CNNM1: variants seen among roughly 807,000 people sequenced by gnomAD.
CNNM1 encodes the protein metal transporter CNNM1.
A neutral mutation model predicts 78.8 loss-of-function variants in CNNM1; 44 were observed. The ratio of observed to expected loss-of-function variants is 0.56; its 90% CI spans 0.44 to 0.72. The LOEUF (loss-of-function observed/expected upper bound fraction) is 0.72. Among genes scored for constraint, CNNM1 ranks in the 30% least tolerant of loss-of-function variants. The pLI, the probability that CNNM1 is intolerant of heterozygous loss-of-function variation, is 0.00. For synonymous variants in CNNM1, 584 were observed against 581.5 expected, an observed-to-expected ratio of 1.00 and a Z score of -0.06; for missense variants, 1,101 against 1,292.2, an observed-to-expected ratio of 0.85 and a Z score of 2.27.
intron 7 of CNNM1, 45 bp from the exon 8 acceptor site, chr10:99,387,775 G>A: frequency 6.6e-7 from 1 of 1,515,124 alleles, no homozygotes; most frequent in Admixed American, 2.1e-5. Flanking sequence ...GCATCCGGGT[G>A]GTCTCTGCCT....
At chr10:99,365,235 G>T (rs79414768) in intron 6 of CNNM1, 1 of 614,880 alleles carries the variant, frequency 1.6e-6, no homozygotes, top group South Asian at 1.8e-5. Context: ...CACATGGTTG[G>T]GGGGATGCAG....
rs754242008 is a variant in CNNM1, at chr10:99,330,861, T to C, written c.1474T>C (p.Cys492Arg). 4.8e-5 allele frequency: 78 copies of C among 1,614,064 alleles called. No homozygotes were observed. The highest frequency in any genetic ancestry group is 6.3e-5 in the Non-Finnish European group (74 of 1,180,032). Residue 492 changes from cysteine to arginine, a missense_variant, in exon 1 of 11, where the codon TGC becomes CGC. Transcript: ENST00000356713. ...KDLAFVDPDD[C>R]TPLLTVTRFY... is the part of the protein sequence containing the mutation. ...CTTGGCCTTCGTGGACCCCGACGAC[T>C]GCACCCCGCTCCTCACTGTCACCCG...
chr10:99,391,418 T>C lies in CNNM1; in HGVS notation c.2777-19T>C. On this transcript the variant is annotated intron_variant, in intron 10 of 10. Transcript: ENST00000356713. ...TCCTCCAGTGTTACAGGCTGATACT[T>C]GCAACTTGTTTTTTTCAGGTGGCCA... The C allele has an allele frequency of 6.2e-7, 1 of 1,605,380 alleles. No individual in the cohort carries two copies. The highest frequency in any genetic ancestry group is 8.5e-7 in the Non-Finnish European group (1 of 1,172,528).
chr10:99,371,463 A>G (rs1218246242), intron 6 of CNNM1, among the ~76,000 whole-genome samples: 1 of 152,200 alleles, frequency 6.6e-6, no homozygotes, highest in Non-Finnish European at 1.5e-5. Flanking sequence ...CAGTCCTTTC[A>G]AATCCACAAA....
In CNNM1 at chr10:99,329,751, G is replaced by C; in HGVS notation, c.364G>C (p.Ala122Pro). 1 of 1,501,768 alleles carries C rather than the reference G, an allele frequency of 6.7e-7. No individual in the cohort carries two copies. The highest frequency in any genetic ancestry group is 2.7e-5 in the East Asian group (1 of 37,136). 93.0% of individuals were successfully genotyped at this position (1,501,768 alleles called of 1,614,324 possible). A position where few individuals can be genotyped will look rare whatever the true frequency, so the allele number is the denominator to read the frequency against. ...GGGCGGTGGCGGCGTGGCCCCCAGC[G>C]CGGTCCCCACTCGCCCCCCGGGACC... is the stretch of plus-strand genomic sequence containing the variant. Reference protein sequence around the residue: ...PPGGGGVAPSAVPTRPPGPQR... With the variant: ...PPGGGGVAPSPVPTRPPGPQR... Residue 122 changes from alanine to proline, a missense_variant, in exon 1 of 11, where the codon GCG (alanine) becomes CCG (proline). Transcript: ENST00000356713.
In CNNM1 at chr10:99,360,821, C is replaced by T; in HGVS notation, c.1718-14C>T. 1 of 1,592,802 alleles carries T rather than the reference C, an allele frequency of 6.3e-7. No homozygotes were observed. The highest frequency in any genetic ancestry group is 8.6e-7 in the Non-Finnish European group (1 of 1,165,806). ...TTCTGAGATAGCTGTAATCTGTCCTCTGTGACCCCACAGCTGACAATCGGA... is the reference window on the plus strand; with the variant it reads ...TTCTGAGATAGCTGTAATCTGTCCTTTGTGACCCCACAGCTGACAATCGGA... On this transcript the variant is annotated splice_polypyrimidine_tract_variant and intron_variant, in intron 2 of 10. Transcript: ENST00000356713.
At chr10:99,344,348 TG>T (rs1190816474) in intron 1 of CNNM1, among the ~76,000 whole-genome samples, 1 of 21,358 alleles carries the variant, frequency 4.7e-5, no homozygotes, top group African/African-American at 2.0e-4. Flanking sequence ...AAAAAATAGG[TG>T]GGGGTGGGGG....
chr10:99,356,963 G>GC (rs1227535761), intron 1 of CNNM1, among the ~76,000 whole-genome samples: 3 of 152,148 alleles, frequency 2.0e-5, no homozygotes, highest in African/African-American at 2.4e-5. Flanking sequence ...GTAGTCACAA[G>GC]CCCCCCCAGA....
At position 99,387,975 on chromosome 10, in the gene CNNM1, G is replaced by A. The variant is rs373509693; in HGVS notation, c.2496G>A (p.Thr832=). The A allele has an allele frequency of 4.3e-5, 68 of 1,597,204 alleles. No homozygotes were observed. In the South Asian group the frequency reaches 4.5e-4, roughly 11 times the overall value. ...CCCCTAAGGATGACCCCGCCATCAC[G>A]CTCCTCAACAACAGGAACAGCCTGC... ...PQTPKDDPAI[T]LLNNRNSLPC... The change falls in exon 8 of 11, where the codon ACG becomes ACA. Residue 832 remains threonine (T), a synonymous_variant. Coordinates refer to ENST00000356713, the MANE Select transcript of CNNM1 (RefSeq NM_020348.3).
chr10:99,355,946 T>C (rs1158782126), intron 1 of CNNM1, among the ~76,000 whole-genome samples: 1 of 152,220 alleles, frequency 6.6e-6, no homozygotes, highest in Non-Finnish European at 1.5e-5. Context: ...TTTTCACATA[T>C]TCACTAGGTC....
At chr10:99,343,108 G>A (rs747691193) in intron 1 of CNNM1, among the ~76,000 whole-genome samples, 2 of 152,014 alleles carry the variant, frequency 1.3e-5, no homozygotes, top group Admixed American at 6.5e-5. Flanking sequence ...GATTACAGGC[G>A]CCTGCCACCA....
intron 9 of CNNM1, 33 bp from the exon 10 acceptor site, chr10:99,390,273 A>G (rs1173586632): frequency 2.0e-6 from 3 of 1,510,312 alleles, no homozygotes; most frequent in Non-Finnish European, 9.1e-7. Context: ...GTGTAGGTTG[A>G]GACAACTTGA....
In CNNM1 at chr10:99,338,798, G is replaced by T. The variant is rs190170437; in HGVS notation, c.1573+7838G>T. 9.2e-5 allele frequency among the ~76,000 whole-genome samples: 14 copies of T among 152,178 alleles called. No homozygotes were observed. In the East Asian group the frequency reaches 2.5e-3, roughly 27 times the overall value. ...TCTTAAAAAGAAAACAAAAGGAAAA[G>T]CCCATTGTCCTGCCATCAAGCACAA... On this transcript the variant is annotated intron_variant, in intron 1 of 10. Coordinates refer to ENST00000356713, the MANE Select transcript of CNNM1 (RefSeq NM_020348.3).
At chr10:99,356,960 C>A (rs954519455) in intron 1 of CNNM1, among the ~76,000 whole-genome samples, 1 of 152,216 alleles carries the variant, frequency 6.6e-6, no homozygotes, top group Admixed American at 6.5e-5. Flanking sequence ...GAAGTAGTCA[C>A]AAGCCCCCCC....
intron 2 of CNNM1, among the ~76,000 whole-genome samples, chr10:99,358,038 A>AC (rs1223625949): frequency 6.6e-6 from 1 of 152,092 alleles, no homozygotes; most frequent in East Asian, 1.9e-4. Flanking sequence ...CTAGATGCAG[A>AC]CCCCAACAGG....
At chr10:99,375,398 G>C (rs895240955) in intron 6 of CNNM1, among the ~76,000 whole-genome samples, 2 of 152,214 alleles carry the variant, frequency 1.3e-5, no homozygotes, top group Non-Finnish European at 2.9e-5. Flanking sequence ...TGGATCGCAA[G>C]GCTGCATGTG....
chr10:99,339,825 A>G (rs961860213), intron 1 of CNNM1, among the ~76,000 whole-genome samples: 2 of 152,046 alleles, frequency 1.3e-5, no homozygotes, highest in African/African-American at 4.8e-5. Context: ...TTTACTTTAC[A>G]CTCCAAATGC....
At chr10:99,390,257 C>A in intron 9 of CNNM1, 49 bp from the exon 10 acceptor site, 1 of 1,335,760 alleles carries the variant, frequency 7.5e-7, no homozygotes, top group South Asian at 1.2e-5. Flanking sequence ...CTCTTGATGC[C>A]TGAGTGTGTA....
chr10:99,375,926 T>TC, intron 6 of CNNM1, among the ~76,000 whole-genome samples: 1 of 152,214 alleles, frequency 6.6e-6, no homozygotes, highest in Admixed American at 6.5e-5. Context: ...TATCCTGTTT[T>TC]CTGTTGTTCC....
Sources: gnomAD v4.1 joint callset for allele counts (sites outside exome capture counted in the v4.1 genomes callset) on GRCh38, gnomAD v4.1.1 for gene constraint, MANE v1.5 for transcripts, NCBI Gene and HGNC (gene_info 2026-07-23, HGNC 2026-07-21) for gene names.